The following PRKN variants were observed in gnomAD, a reference collection of about 807,000 sequenced individuals.
PRKN encodes the protein parkin RBR E3 ubiquitin protein ligase.
A neutral mutation model predicts 59.5 loss-of-function variants in PRKN; 56 were observed. That is an observed-to-expected ratio of 0.94 (90% confidence interval 0.76 to 1.18). The LOEUF is 1.18. PRKN is among the 50% of genes most tolerant of loss of function. PRKN has a pLI of 0.00. For synonymous variants in PRKN, 250 were observed against 222.1 expected (o/e 1.13, Z -1.12); for missense variants, 657 against 596.4 (o/e 1.10, Z -1.06).
chr6:161,851,592 G>A (rs567678835), intron 6 of PRKN, among the ~76,000 whole-genome samples: 1 of 151,294 alleles, frequency 6.6e-6, no homozygotes, highest in Non-Finnish European at 1.5e-5. Flanking sequence ...AGTGATTCTC[G>A]TACGTGCCTC....
At position 161,545,287 on chromosome 6, in the gene PRKN, A is replaced by T. The variant is rs1779757308; in HGVS notation, c.1083+3567T>A. On this transcript the variant is annotated intron_variant, in intron 9 of 11. Transcript: ENST00000366898. This position sits in a 1 kb window ranked among gnomAD's most constrained non-coding sequence, Gnocchi z 4.1. ...ATCTGTGAACCACATCCTGATAATC[A>T]CTGGAGTTAATGACGTCTAGGGCTT... is the stretch of plus-strand genomic sequence containing the variant. The T allele has an allele frequency of 2.0e-6, 3 of 1,516,470 alleles. No individual in the cohort carries two copies. The highest frequency in any genetic ancestry group is 2.7e-6 in the Non-Finnish European group (3 of 1,129,928). 93.9% of individuals were successfully genotyped at this position (1,516,470 alleles called of 1,614,324 possible). A position where few individuals can be genotyped will look rare whatever the true frequency, so the allele number is the denominator to read the frequency against.
rs1780019025 is a variant in PRKN at position 161,551,537 on chromosome 6, A to C, written c.934-2534T>G. ...GGTGTCCCGAAAGCCAAGGGAACAC[A>C]TCTCAAGGAGGCTGCCATGATGAGC... On this transcript the variant is annotated intron_variant, in intron 8 of 11. Coordinates refer to ENST00000366898, the MANE Select transcript of PRKN (RefSeq NM_004562.3). This position sits in a 1 kb window ranked among gnomAD's most constrained non-coding sequence, Gnocchi z 5.2. 6.6e-6 allele frequency among the ~76,000 whole-genome samples: 1 copy of C among 152,172 alleles called. No homozygotes were observed. Among genetic ancestry groups the C allele is most frequent in the Admixed American group, 6.5e-5 (1 of 15,278 alleles).
intron 4 of PRKN, among the ~76,000 whole-genome samples, chr6:162,093,206 AATAAATGGTCT>A (rs1290940284): frequency 6.6e-6 from 1 of 152,206 alleles, no homozygotes; most frequent in East Asian, 1.9e-4. Context: ...AGATAGCCTA[AATAAATGGTCT>A]ATAACTTGTT....
chr6:162,624,194 G>A (rs899111242), intron 1 of PRKN, among the ~76,000 whole-genome samples: 6 of 150,708 alleles, frequency 4.0e-5, no homozygotes, highest in Admixed American at 4.0e-4. Flanking sequence ...GTTGCAGTGA[G>A]CTGGGATCAT....
chr6:161,383,758 C>T (rs190871408), intron 10 of PRKN, among the ~76,000 whole-genome samples: 8 of 152,280 alleles, frequency 5.3e-5, no homozygotes, highest in Admixed American at 2.0e-4. Flanking sequence ...GTCCCCAGCC[C>T]GCCTCTGCAG....
chr6:161,775,749 TC>T (rs1235744518), intron 7 of PRKN, among the ~76,000 whole-genome samples: 4 of 152,150 alleles, frequency 2.6e-5, no homozygotes, highest in Non-Finnish European at 5.9e-5. Flanking sequence ...TATGTTTTGC[TC>T]CCTAAGTAGG....
At chr6:161,944,428 T>G (rs1426658442) in intron 6 of PRKN, among the ~76,000 whole-genome samples, 1 of 151,990 alleles carries the variant, frequency 6.6e-6, no homozygotes, top group Non-Finnish European at 1.5e-5. Context: ...AGCTGCTTAT[T>G]GCCTTGTTGC....
chr6:161,861,897 C>G (rs972410489), intron 6 of PRKN, among the ~76,000 whole-genome samples: 1 of 152,156 alleles, frequency 6.6e-6, no homozygotes, highest in Non-Finnish European at 1.5e-5. Flanking sequence ...CTTAATATAA[C>G]AGAAATTTAT....
intron 2 of PRKN, among the ~76,000 whole-genome samples, chr6:162,381,863 G>A (rs769086382): frequency 2.6e-5 from 4 of 151,968 alleles, no homozygotes; most frequent in Non-Finnish European, 5.9e-5. Context: ...TAGACTTCAG[G>A]CATAACTCCA....
At chr6:161,711,840 T>A (rs1193935974) in intron 7 of PRKN, among the ~76,000 whole-genome samples, 10 of 152,174 alleles carry the variant, frequency 6.6e-5, no homozygotes, top group Non-Finnish European at 1.3e-4. Flanking sequence ...GGCTCCTAGT[T>A]CTTCAGCTTT....
At chr6:161,897,927 A>C (rs368819010) in intron 6 of PRKN, among the ~76,000 whole-genome samples, 33 of 124,790 alleles carry the variant, frequency 2.6e-4, no homozygotes, top group African/African-American at 7.7e-4. Flanking sequence ...AGATCGCGCC[A>C]CTGCACTCCA....
chr6:162,461,311 G>A (rs1237669196), intron 1 of PRKN, among the ~76,000 whole-genome samples: 2 of 151,016 alleles, frequency 1.3e-5, no homozygotes, highest in African/African-American at 2.4e-5. Context: ...AGACCAGTCT[G>A]GCCAACATGG....
At chr6:161,912,620 G>C (rs1197956956) in intron 6 of PRKN, among the ~76,000 whole-genome samples, 3 of 151,998 alleles carry the variant, frequency 2.0e-5, no homozygotes, top group African/African-American at 7.2e-5. Context: ...AGAGAGCCCT[G>C]GAGGCTACAT....
chr6:161,662,993 G>T (rs1784601670), intron 7 of PRKN, among the ~76,000 whole-genome samples: 1 of 152,166 alleles, frequency 6.6e-6, no homozygotes, highest in African/African-American at 2.4e-5. Flanking sequence ...ATAGGGGTGG[G>T]TTTTTCCCGT....
At chr6:161,532,884 T>C (rs1211066927) in intron 9 of PRKN, among the ~76,000 whole-genome samples, 2 of 152,216 alleles carry the variant, frequency 1.3e-5, no homozygotes, top group African/African-American at 4.8e-5. Flanking sequence ...ACAAATCTTG[T>C]CACTTGCGGG....
At chr6:162,092,036 A>C (rs1304970970) in intron 4 of PRKN, among the ~76,000 whole-genome samples, 1 of 152,166 alleles carries the variant, frequency 6.6e-6, no homozygotes, top group Non-Finnish European at 1.5e-5. Context: ...ATTCTGTCTC[A>C]AAGAAAAGAA....
intron 2 of PRKN, among the ~76,000 whole-genome samples, chr6:162,311,587 A>G (rs1307711456): frequency 6.7e-6 from 1 of 148,936 alleles, no homozygotes; most frequent in African/African-American, 2.5e-5. Context: ...GGTTCAAGCG[A>G]TTCTCCTGCC....
intron 4 of PRKN, among the ~76,000 whole-genome samples, chr6:162,137,339 G>A (rs564637823): frequency 5.9e-5 from 9 of 152,222 alleles, no homozygotes; most frequent in African/African-American, 2.2e-4. Flanking sequence ...ATAAAATGGA[G>A]GCAATATTAG....
In PRKN at chr6:161,414,093, G is replaced by T. The variant is rs1359195965; in HGVS notation, c.1084-27216C>A. Among the ~76,000 whole-genome samples the T allele has an allele frequency of 6.6e-6, 1 of 152,122 alleles. No individual in the cohort carries two copies. Among genetic ancestry groups the T allele is most frequent in the Non-Finnish European group, 1.5e-5 (1 of 68,038 alleles). On this transcript the variant is annotated intron_variant, in intron 9 of 11. Transcript: ENST00000366898. This position sits in a 1 kb window ranked among gnomAD's most constrained non-coding sequence, Gnocchi z 5.3. ...GGGTCAGTGAGGGCAGGGTACTGGT[G>T]TCATTTTAATTCAGACTTCTCTCTT...
Sources: gnomAD v4.1 joint callset for allele counts (sites outside exome capture counted in the v4.1 genomes callset) on GRCh38, gnomAD v4.1.1 for gene constraint, Gnocchi (gnomAD v3.1) non-coding constraint, MANE v1.5 for transcripts, NCBI Gene and HGNC (gene_info 2026-07-23, HGNC 2026-07-21) for gene names.